The following SMCO2 variants were observed in gnomAD, a reference collection of about 807,000 sequenced individuals.
SMCO2 encodes the protein single-pass membrane protein with coiled-coil domains 2, also known as single-pass membrane and coiled-coil domain-containing protein 2.
In SMCO2, 25 loss-of-function variants were observed where a neutral mutation model predicts 29.5. That is an observed-to-expected ratio of 0.85 (90% confidence interval 0.62 to 1.18). The LOEUF is 1.18. SMCO2 is among the 50% of genes most tolerant of loss of function. The probability of loss-of-function intolerance (pLI) is 0.00; values close to 1 mark genes in which losing one functional copy is unlikely to be tolerated. For synonymous variants in SMCO2, 117 were observed against 123.3 expected, an observed-to-expected ratio of 0.95 and a Z score of 0.34; for missense variants, 348 against 344.5, an observed-to-expected ratio of 1.01 and a Z score of -0.08.
chr12:27,475,984 T>C (rs1245576820), intron 4 of SMCO2, among the ~76,000 whole-genome samples: 2 of 152,192 alleles, frequency 1.3e-5, no homozygotes, highest in Admixed American at 1.3e-4. Flanking sequence ...TTTCTACTTT[T>C]TTGATGTGGG....
At chr12:27,442,536 G>A in the SMCO2 span, among the ~76,000 whole-genome samples, 5 of 152,168 alleles carry the variant, frequency 3.3e-5, no homozygotes, top group Non-Finnish European at 7.3e-5. Context: ...AATAATCCAA[G>A]CCATAATAAA....
chr12:27,479,431 G>A (rs1949621078), intron 4 of SMCO2, among the ~76,000 whole-genome samples: 1 of 152,226 alleles, frequency 6.6e-6, no homozygotes, highest in South Asian at 2.1e-4. Flanking sequence ...CAGCCCTGCT[G>A]CTGGAGGCTC....
intron 4 of SMCO2, among the ~76,000 whole-genome samples, chr12:27,481,826 A>G (rs1304162276): frequency 6.6e-6 from 1 of 152,168 alleles, no homozygotes; most frequent in Non-Finnish European, 1.5e-5. Context: ...TGTCTTTAGC[A>G]TCTGTATTGA....
chr12:27,501,807 G>C, intron 7 of SMCO2, 116 bp from the exon 9 acceptor site: 1 of 743,482 alleles, frequency 1.3e-6, no homozygotes, highest in East Asian at 2.8e-5. Context: ...GTAAACTGAA[G>C]TCAAGAGAAA....
the SMCO2 span, among the ~76,000 whole-genome samples, chr12:27,441,604 G>C: frequency 6.6e-6 from 1 of 152,290 alleles, no homozygotes; most frequent in East Asian, 1.9e-4. Flanking sequence ...AATAGGGAGA[G>C]AGAGACTGCA....
At chr12:27,445,873 CCTT>C in the SMCO2 span, among the ~76,000 whole-genome samples, 1 of 152,046 alleles carries the variant, frequency 6.6e-6, no homozygotes, top group East Asian at 1.9e-4. Context: ...TAGAAGGTGG[CCTT>C]CTTTTTTTCT....
upstream of SMCO2, among the ~76,000 whole-genome samples, chr12:27,461,975 T>C (rs568286004): frequency 7.9e-5 from 12 of 152,256 alleles, no homozygotes; most frequent in African/African-American, 2.9e-4. Context: ...GTCAGCATGC[T>C]ACTAACTATT....
upstream of SMCO2, among the ~76,000 whole-genome samples, chr12:27,465,371 T>G (rs1276645490): frequency 6.6e-6 from 1 of 152,202 alleles, no homozygotes; most frequent in Non-Finnish European, 1.5e-5. Flanking sequence ...TAAAGAAATA[T>G]GAGGTCACCC....
chr12:27,478,397 G>A (rs1949609351), intron 4 of SMCO2, among the ~76,000 whole-genome samples: 1 of 152,230 alleles, frequency 6.6e-6, no homozygotes, highest in South Asian at 2.1e-4. Context: ...TGGCTTCTAG[G>A]CAGCTTGCTT....
chr12:27,462,577 A>T (rs1316151129), upstream of SMCO2, among the ~76,000 whole-genome samples: 1 of 152,124 alleles, frequency 6.6e-6, no homozygotes, highest in Admixed American at 6.5e-5. Flanking sequence ...CTGCATACCT[A>T]CAGTAAGCTG....
the SMCO2 span, among the ~76,000 whole-genome samples, chr12:27,452,436 T>C: frequency 6.6e-6 from 1 of 152,342 alleles, no homozygotes; most frequent in South Asian, 2.1e-4. Context: ...CACTTAGGTT[T>C]ATTCTATATT....
chr12:27,440,570 T>C, the SMCO2 span, among the ~76,000 whole-genome samples: 2 of 150,110 alleles, frequency 1.3e-5, no homozygotes, highest in African/African-American at 4.9e-5. Context: ...AGACAGGCAA[T>C]ATTAAAATAA....
the SMCO2 span, among the ~76,000 whole-genome samples, chr12:27,435,568 C>CTCTCTG: frequency 6.7e-6 from 1 of 149,016 alleles, no homozygotes; most frequent in Non-Finnish European, 1.5e-5. Flanking sequence ...CATCTCTCTC[C>CTCTCTG]TCTCTGTCTC....
chr12:27,470,022 T>C (rs1442995021), intron 1 of SMCO2, among the ~76,000 whole-genome samples: 1 of 152,262 alleles, frequency 6.6e-6, no homozygotes, highest in Non-Finnish European at 1.5e-5. Flanking sequence ...AGTATTTAAC[T>C]AATTAGACAT....
At chr12:27,475,642 G>A (rs1308868717) in intron 4 of SMCO2, 1 of 1,550,132 alleles carries the variant, frequency 6.5e-7, no homozygotes. Flanking sequence ...GTCTCCAGGT[G>A]AAAGAACTTG....
chr12:27,491,656 A>G (rs892202972), intron 5 of SMCO2, among the ~76,000 whole-genome samples: 16 of 151,944 alleles, frequency 1.1e-4, no homozygotes, highest in African/African-American at 3.9e-4. Context: ...ATGGCCACTT[A>G]CATAGGATGT....
At chr12:27,495,765 A>T in exon 7 of SMCO2, 3 of 1,541,370 alleles carry the variant, frequency 1.9e-6, no homozygotes, top group Non-Finnish European at 2.6e-6. Context: ...CACAGTTCTG[A>T]GGAAATAGAT....
the SMCO2 span, among the ~76,000 whole-genome samples, chr12:27,440,007 C>T: frequency 2.0e-5 from 3 of 151,926 alleles, no homozygotes; most frequent in Non-Finnish European, 2.9e-5. Context: ...CTTAGAACAC[C>T]GAACAGATTC....
chr12:27,455,016 C>T, the SMCO2 span, among the ~76,000 whole-genome samples: 1 of 152,166 alleles, frequency 6.6e-6, no homozygotes, highest in Non-Finnish European at 1.5e-5. Context: ...TGAACTTTTA[C>T]ATTATTTCTA....
Sources: allele counts gnomAD v4.1 joint callset (sites outside exome capture counted in the v4.1 genomes callset), GRCh38; gene constraint gnomAD v4.1.1; transcripts MANE v1.5; gene names NCBI Gene and HGNC (gene_info 2026-07-23, HGNC 2026-07-21).